The following TNPO3 variants were observed in gnomAD, a reference collection of about 807,000 sequenced individuals.
The protein encoded by TNPO3 is transportin-3.
A neutral mutation model predicts 122.8 loss-of-function variants in TNPO3; 65 were observed. The observed-to-expected ratio is 0.53, with a 90% CI of 0.43 to 0.65. The LOEUF is 0.65. Ranked by LOEUF, TNPO3 falls within the 30% of genes least tolerant of loss-of-function variation. The pLI is 0.00. For missense variants in TNPO3, 850 were observed against 1,136.7 expected, an observed-to-expected ratio of 0.75 and a Z score of 3.63; for synonymous variants, 372 against 411.2, an observed-to-expected ratio of 0.90 and a Z score of 1.15.
intron 20 of TNPO3, 22 bp from the exon 21 acceptor site, chr7:128,967,414 G>A (rs1404897021): frequency 6.5e-7 from 1 of 1,527,746 alleles, no homozygotes. Context: ...AGAGGGGTAA[G>A]AGTTTTAAAA....
intron 1 of TNPO3, among the ~76,000 whole-genome samples, chr7:129,025,179 T>C (rs911287010): frequency 2.7e-5 from 4 of 149,632 alleles, no homozygotes; most frequent in Non-Finnish European, 4.4e-5. Flanking sequence ...TGAAACCCCA[T>C]CTCTACTAAA....
chr7:128,973,202 T>C (rs1460547142), intron 18 of TNPO3, among the ~76,000 whole-genome samples: 1 of 152,168 alleles, frequency 6.6e-6, no homozygotes, highest in Non-Finnish European at 1.5e-5. Flanking sequence ...TCCCAGGATG[T>C]CAACAGGAAT....
intron 1 of TNPO3, among the ~76,000 whole-genome samples, chr7:129,033,602 T>C (rs1806205203): frequency 6.6e-6 from 1 of 152,136 alleles, no homozygotes; most frequent in Non-Finnish European, 1.5e-5. Flanking sequence ...GTTCTGGCTA[T>C]ATATCTAAAA....
intron 1 of TNPO3, among the ~76,000 whole-genome samples, chr7:129,018,922 T>C (rs771648134): frequency 5.9e-5 from 9 of 152,196 alleles, no homozygotes; most frequent in Non-Finnish European, 1.3e-4. Flanking sequence ...TTTCACCATG[T>C]TGGCCAGACT....
intron 1 of TNPO3, among the ~76,000 whole-genome samples, chr7:129,033,151 G>A (rs1072767): frequency 0.64 from 96,766 of 151,998 alleles, 31,124 homozygotes; most frequent in Middle Eastern, 0.7. Flanking sequence ...TATCACATAT[G>A]AAAGTTAACT....
upstream of TNPO3, chr7:129,056,160 T>C: frequency 2.2e-6 from 2 of 928,580 alleles, no homozygotes; most frequent in Non-Finnish European, 3.6e-6. Flanking sequence ...CGCCACTGCG[T>C]ATAACGAGTT....
Position 129,054,964 on chromosome 7 carries a change from T to C in TNPO3, c.-194A>G, listed in dbSNP as rs1809315789. On this transcript the variant is annotated 5_prime_UTR_variant, in exon 1 of 23. It adds an upstream start codon to the 5' untranslated region. Coordinates refer to ENST00000265388, the MANE Select transcript of TNPO3 (RefSeq NM_012470.4). ...CCCCTCGGAAACAGCTATTAGGTCG[T>C]ATTCAGGTTCCTGGCCTTTTTTCCG... The C allele has an allele frequency of 3.1e-6, 2 of 647,672 alleles. No homozygotes were observed. The highest frequency in any genetic ancestry group is 5.7e-5 in the East Asian group (2 of 34,972). The allele number at this position is 647,672 out of a possible 1,614,324, so 40.1% of individuals were successfully genotyped here. A position where few individuals can be genotyped will look rare whatever the true frequency, so the allele number is the denominator to read the frequency against.
intron 10 of TNPO3, 98 bp downstream of exon 10, chr7:128,991,901 A>C (rs1432998572): frequency 3.5e-5 from 24 of 676,086 alleles, no homozygotes; most frequent in Non-Finnish European, 5.4e-5. Flanking sequence ...AAGTTCTGAA[A>C]GTCTCCAGGT....
At chr7:129,045,921 C>T (rs543514519) in intron 1 of TNPO3, among the ~76,000 whole-genome samples, 13 of 152,008 alleles carry the variant, frequency 8.6e-5, no homozygotes, top group African/African-American at 2.7e-4. Context: ...GATTTTAGGC[C>T]GGGCGCAGTG....
intron 21 of TNPO3, 37 bp from the exon 22 acceptor site, chr7:128,957,352 A>G (rs769290843): frequency 1.2e-6 from 2 of 1,608,546 alleles, no homozygotes; most frequent in East Asian, 4.5e-5. Flanking sequence ...TTGACTGAGG[A>G]GAAAGACAGA....
chr7:128,965,165 G>A (rs961816574), intron 21 of TNPO3, among the ~76,000 whole-genome samples: 6 of 152,108 alleles, frequency 3.9e-5, no homozygotes, highest in African/African-American at 1.4e-4. Flanking sequence ...AAGAATGGAG[G>A]AAAATGTTTG....
At chr7:129,000,982 C>A in intron 6 of TNPO3, 77 bp downstream of exon 6, 4 of 1,476,934 alleles carry the variant, frequency 2.7e-6, no homozygotes, top group Non-Finnish European at 3.7e-6. Context: ...AAATGACAGA[C>A]GAATAATAAA....
At chr7:129,054,291 G>T (rs1391637453) in intron 1 of TNPO3, among the ~76,000 whole-genome samples, 5 of 152,232 alleles carry the variant, frequency 3.3e-5, no homozygotes, top group Non-Finnish European at 7.3e-5. Flanking sequence ...TTCTTAAGCG[G>T]AAGGTGGAGA....
At chr7:128,956,582 G>T (rs574858895) in intron 22 of TNPO3, among the ~76,000 whole-genome samples, 4 of 152,292 alleles carry the variant, frequency 2.6e-5, no homozygotes, top group Admixed American at 2.6e-4. Context: ...GAGCATTTTG[G>T]ATTTTGGATT....
rs375456227 is a variant in TNPO3, at chr7:129,001,052, T to C, written c.872+7A>G. On this transcript the variant is annotated splice_region_variant and intron_variant, in intron 6 of 22. Transcript: ENST00000265388. ...ACCCAGGGCTCCAGACTTAAACAAT[T>C]ACTCACTTGTCTAAATCTTCACGTG... 6 of 1,612,968 alleles carry C rather than the reference T, an allele frequency of 3.7e-6. No individual in the cohort carries two copies. The African/African-American group carries it at 8.0e-5, about 22-fold the overall frequency.
At chr7:128,974,256 T>C (rs1446335032) in intron 18 of TNPO3, among the ~76,000 whole-genome samples, 1 of 151,120 alleles carries the variant, frequency 6.6e-6, no homozygotes, top group Non-Finnish European at 1.5e-5. Flanking sequence ...GATATAACAG[T>C]TGGGCTTTTG....
chr7:128,977,390 T>C (rs1799167183), intron 16 of TNPO3, among the ~76,000 whole-genome samples: 2 of 152,216 alleles, frequency 1.3e-5, no homozygotes, highest in East Asian at 1.9e-4. Flanking sequence ...CGAACATACA[T>C]TATTGTGCTC....
intron 1 of TNPO3, among the ~76,000 whole-genome samples, chr7:129,031,043 G>T (rs966752483): frequency 3.3e-5 from 5 of 152,236 alleles, no homozygotes; most frequent in Non-Finnish European, 7.3e-5. Flanking sequence ...CCAGCACTTT[G>T]GGACGCCAAG....
chr7:128,967,453 T>C (rs193074459), intron 20 of TNPO3, 61 bp from the exon 21 acceptor site: 319 of 1,095,144 alleles, frequency 2.9e-4, no homozygotes, highest in Non-Finnish European at 3.5e-5. Flanking sequence ...CCTGAGACCC[T>C]ACAGATACTA....
Sources: allele counts gnomAD v4.1 joint callset (sites outside exome capture counted in the v4.1 genomes callset), GRCh38; gene constraint gnomAD v4.1.1; transcripts MANE v1.5; gene names NCBI Gene and HGNC (gene_info 2026-07-23, HGNC 2026-07-21).